SLC2A9: variants seen among roughly 807,000 people sequenced by gnomAD.
SLC2A9 encodes solute carrier family 2, facilitated glucose transporter member 9.
A neutral mutation model predicts 50.6 loss-of-function variants in SLC2A9; 39 were observed. The observed-to-expected ratio is 0.77, with a 90% confidence interval of 0.60 to 1.01. The LOEUF is 1.01. SLC2A9 is among the 50% of genes least tolerant of loss of function. SLC2A9 has a pLI of 0.00. For missense variants in SLC2A9, 686 were observed against 677.6 expected (o/e 1.01, Z -0.14); for synonymous variants, 324 against 276.9 (o/e 1.17, Z -1.69).
At chr4:9,809,019 G>A (rs950221322) in intron 3 of SLC2A9, among the ~76,000 whole-genome samples, 4 of 152,180 alleles carry the variant, frequency 2.6e-5, no homozygotes, top group Non-Finnish European at 4.4e-5. Context: ...GCCTTTCTTG[G>A]AAGCCCCCTG....
chr4:9,952,074 G>T (rs1387908328), intron 5 of SLC2A9, among the ~76,000 whole-genome samples: 2 of 152,164 alleles, frequency 1.3e-5, no homozygotes, highest in African/African-American at 4.8e-5. Context: ...CCCTGGTCCT[G>T]CCACTTACTG....
chr4:9,773,705 C>T (rs1717144976), intron 1 of SLC2A9, among the ~76,000 whole-genome samples: 1 of 152,186 alleles, frequency 6.6e-6, no homozygotes, highest in Non-Finnish European at 1.5e-5. Flanking sequence ...TGATTAGAGC[C>T]TGTGCTGATG....
At chr4:9,965,169 G>A (rs35110076) in intron 5 of SLC2A9, among the ~76,000 whole-genome samples, 9,646 of 152,230 alleles carry the variant, frequency 0.063, 785 homozygotes, top group East Asian at 0.46. Flanking sequence ...ATTAGGCTTG[G>A]AGAGGTTAGC....
chr4:9,882,897 C>A (rs1257369121), intron 10 of SLC2A9, among the ~76,000 whole-genome samples: 1 of 151,956 alleles, frequency 6.6e-6, no homozygotes, highest in Non-Finnish European at 1.5e-5. Flanking sequence ...AGGGAGAGTC[C>A]TTATATTCAC....
At chr4:10,017,940 C>T (rs942446412) in intron 2 of SLC2A9, among the ~76,000 whole-genome samples, 2 of 152,170 alleles carry the variant, frequency 1.3e-5, no homozygotes, top group East Asian at 1.9e-4. Context: ...TCCTACATCC[C>T]GGCCCCCCAT....
intron 10 of SLC2A9, among the ~76,000 whole-genome samples, chr4:9,839,243 T>C (rs1474334616): frequency 6.6e-6 from 1 of 152,134 alleles, no homozygotes; most frequent in African/African-American, 2.4e-5. Flanking sequence ...AAGCTCAATA[T>C]CACTGATCAT....
intron 9 of SLC2A9, among the ~76,000 whole-genome samples, chr4:9,888,509 T>G (rs116388124): frequency 0.022 from 3,273 of 152,166 alleles, 47 homozygotes; most frequent in Non-Finnish European, 0.028. Flanking sequence ...TTGCTCCTGC[T>G]CTAGCAGACT....
chr4:9,965,063 C>T (rs150474815), intron 5 of SLC2A9, among the ~76,000 whole-genome samples: 1 of 152,338 alleles, frequency 6.6e-6, no homozygotes, highest in African/African-American at 2.4e-5. Flanking sequence ...CAGTTCCAGG[C>T]ACTGTTCCAA....
Position 9,786,709 on chromosome 4 carries a change from G to C in SLC2A9, n.386-6644C>G, listed in dbSNP as rs558285893. ...CACAGAGGACCTTGAGGACAAGGTT[G>C]TTTGTCCAAGGTCATGGGAAAATTA... On this transcript the variant is annotated intron_variant and non_coding_transcript_variant, in intron 3 of 3. Coordinates refer to the SLC2A9 transcript ENST00000503803. 3.9e-5 allele frequency among the ~76,000 whole-genome samples: 6 copies of C among 152,294 alleles called. 1 individual carries two copies. The South Asian group carries it at 1.2e-3, about 32-fold the overall frequency.
At position 10,018,889 on chromosome 4, in the gene SLC2A9, G is replaced by C. The variant is rs1291030301; in HGVS notation, c.249+86C>G. Reference sequence around the variant, plus strand: ...GTCCCGCGCCGCGAGCGCAACAGGAGGGGGCGCTGGAGCCCAGGGCCCTTG... The same window carrying C: ...GTCCCGCGCCGCGAGCGCAACAGGACGGGGCGCTGGAGCCCAGGGCCCTTG... On this transcript the variant is annotated intron_variant, in intron 2 of 11. Coordinates refer to ENST00000264784, the MANE Select transcript of SLC2A9 (RefSeq NM_020041.3). 6 of 1,335,668 alleles carry C rather than the reference G, an allele frequency of 4.5e-6. No homozygotes were observed. The African/African-American group carries it at 8.8e-5, about 20-fold the overall frequency. The allele number at this position is 1,335,668 out of a possible 1,614,324, so 82.7% of individuals were successfully genotyped here. A position where few individuals can be genotyped will look rare whatever the true frequency, so the allele number is the denominator to read the frequency against.
At chr4:9,945,031 C>T (rs1056383353) in intron 5 of SLC2A9, among the ~76,000 whole-genome samples, 1 of 152,212 alleles carries the variant, frequency 6.6e-6, no homozygotes, top group African/African-American at 2.4e-5. Context: ...CTCTGCTATG[C>T]CCTGTGCTTT....
intron 11 of SLC2A9, among the ~76,000 whole-genome samples, chr4:9,830,020 C>T (rs1236934551): frequency 1.3e-5 from 2 of 152,124 alleles, no homozygotes; most frequent in African/African-American, 2.4e-5. Flanking sequence ...TGGGTATCTA[C>T]CCAAAGGAAT....
At chr4:9,918,545 A>G (rs138197319) in intron 7 of SLC2A9, among the ~76,000 whole-genome samples, 286 of 152,314 alleles carry the variant, frequency 1.9e-3, no homozygotes, top group African/African-American at 6.4e-3. Flanking sequence ...TCCTTTTACT[A>G]TTCCTCACTG....
chr4:9,872,587 GA>G (rs1439696977), intron 10 of SLC2A9, among the ~76,000 whole-genome samples: 1 of 152,098 alleles, frequency 6.6e-6, no homozygotes, highest in Non-Finnish European at 1.5e-5. Flanking sequence ...TAAATTTCTG[GA>G]ATAAAATGGA....
At position 9,806,537 on chromosome 4, in the gene SLC2A9, A is replaced by AT; in HGVS notation, n.421-7297dup. 3.3e-5 allele frequency among the ~76,000 whole-genome samples: 5 copies of AT among 152,192 alleles called. No homozygotes were observed. In the Middle Eastern group the frequency reaches 0.017, roughly 518 times the overall value. ...CCCCTGATTTCCCACTCCACATGCG[A>AT]TATTTCTGTGTGTGTCTTTAATTCC... is the stretch of plus-strand genomic sequence containing the variant. On this transcript the variant is annotated intron_variant and non_coding_transcript_variant, in intron 3 of 3. Coordinates refer to the SLC2A9 transcript ENST00000503280.
chr4:10,000,193 G>A (rs1029179402), intron 2 of SLC2A9, among the ~76,000 whole-genome samples: 4 of 152,166 alleles, frequency 2.6e-5, no homozygotes, highest in Admixed American at 1.3e-4. Context: ...TATTTCTATC[G>A]ATGATGAAGT....
chr4:9,820,657 ATG>A (rs1266260048), intron 3 of SLC2A9, among the ~76,000 whole-genome samples: 1 of 152,196 alleles, frequency 6.6e-6, no homozygotes, highest in African/African-American at 2.4e-5. Flanking sequence ...GAACGTAAAT[ATG>A]TTTTGTTAGA....
At chr4:10,038,652 G>T (rs1764184146) in intron 1 of SLC2A9, among the ~76,000 whole-genome samples, 1 of 151,682 alleles carries the variant, frequency 6.6e-6, no homozygotes. Context: ...CAAGGCAAAA[G>T]AACTAAATGC....
chr4:9,970,344 G>A (rs768058298), intron 5 of SLC2A9, among the ~76,000 whole-genome samples: 9 of 152,202 alleles, frequency 5.9e-5, no homozygotes, highest in Non-Finnish European at 1.2e-4. Context: ...GTCACAGGTT[G>A]AGAGAAGGTC....
Sources: gnomAD v4.1 joint callset for allele counts (sites outside exome capture counted in the v4.1 genomes callset) on GRCh38, gnomAD v4.1.1 for gene constraint, MANE v1.5 for transcripts, NCBI Gene and HGNC (gene_info 2026-07-23, HGNC 2026-07-21) for gene names.